The following TBC1D5 variants were observed in gnomAD, a reference collection of about 807,000 sequenced individuals.
TBC1D5 encodes the protein TBC1 domain family, member 5.
TBC1D5 carries 75 observed loss-of-function variants against 100.3 expected under a neutral mutation model. The observed-to-expected ratio is 0.75, with a 90% confidence interval of 0.62 to 0.91. TBC1D5 has a LOEUF of 0.91. TBC1D5 is among the 40% of genes least tolerant of loss of function. The probability of loss-of-function intolerance (pLI) is 0.00; values close to 1 mark genes in which losing one functional copy is unlikely to be tolerated. For missense variants in TBC1D5, 910 were observed against 942.4 expected, an observed-to-expected ratio of 0.97 and a Z score of 0.45; for synonymous variants, 323 against 325.6, an observed-to-expected ratio of 0.99 and a Z score of 0.09.
intron 5 of TBC1D5, among the ~76,000 whole-genome samples, chr3:17,406,020 C>T (rs1190532699): frequency 2.0e-5 from 3 of 151,858 alleles, no homozygotes; most frequent in Non-Finnish European, 4.4e-5. Flanking sequence ...TTCCAGCTGC[C>T]ATTTATGAAG....
intron 8 of TBC1D5, among the ~76,000 whole-genome samples, chr3:17,401,472 A>T (rs952542767): frequency 6.6e-6 from 1 of 152,030 alleles, no homozygotes; most frequent in African/African-American, 2.4e-5. Flanking sequence ...TCAAGAACTA[A>T]CACTTTCTTA....
At chr3:17,494,841 ACCCAAG>A (rs1174224914) in intron 3 of TBC1D5, among the ~76,000 whole-genome samples, 1 of 152,100 alleles carries the variant, frequency 6.6e-6, no homozygotes, top group Non-Finnish European at 1.5e-5. Flanking sequence ...GCTGGCTGCA[ACCCAAG>A]CAGCCACCAA....
At chr3:17,528,819 A>G (rs2096176651) in intron 2 of TBC1D5, among the ~76,000 whole-genome samples, 1 of 152,254 alleles carries the variant, frequency 6.6e-6, no homozygotes, top group Non-Finnish European at 1.5e-5. Flanking sequence ...CAAATATTTG[A>G]AAATACATTA....
At chr3:17,218,032 C>G (rs775916610) in intron 17 of TBC1D5, among the ~76,000 whole-genome samples, 2 of 151,974 alleles carry the variant, frequency 1.3e-5, no homozygotes, top group Non-Finnish European at 2.9e-5. Flanking sequence ...TTTTTGTATA[C>G]AGCGTGAAGA....
At chr3:17,207,557 G>C (rs760382788) in intron 18 of TBC1D5, among the ~76,000 whole-genome samples, 2 of 152,158 alleles carry the variant, frequency 1.3e-5, no homozygotes, top group Admixed American at 6.5e-5. Context: ...TAAAGACTAA[G>C]CTGAATCTTG....
chr3:17,477,255 G>A (rs1339213246), intron 3 of TBC1D5, among the ~76,000 whole-genome samples: 1 of 151,870 alleles, frequency 6.6e-6, no homozygotes, highest in East Asian at 1.9e-4. Flanking sequence ...GGTAAAATAT[G>A]TTTATCTTTT....
chr3:17,420,754 C>G (rs1334776225), intron 4 of TBC1D5, among the ~76,000 whole-genome samples: 1 of 152,182 alleles, frequency 6.6e-6, no homozygotes, highest in Non-Finnish European at 1.5e-5. Context: ...GGCATTTCAA[C>G]TGGGAACACC....
chr3:17,537,519 G>A (rs2096294360), intron 2 of TBC1D5, among the ~76,000 whole-genome samples: 1 of 151,992 alleles, frequency 6.6e-6, no homozygotes, highest in African/African-American at 2.4e-5. Flanking sequence ...GGGGGCTCAG[G>A]ATTTTATTTT....
intron 15 of TBC1D5, 81 bp from the exon 16 acceptor site, chr3:17,258,672 A>G (rs1575000878): frequency 1.9e-6 from 2 of 1,070,096 alleles, no homozygotes; most frequent in East Asian, 5.0e-5. Context: ...GATCATTTTA[A>G]TATCCCTTCA....
intron 3 of TBC1D5, among the ~76,000 whole-genome samples, chr3:17,484,824 T>C (rs771522214): frequency 6.6e-6 from 1 of 151,994 alleles, no homozygotes; most frequent in Non-Finnish European, 1.5e-5. Context: ...TTCCTTTCCT[T>C]AAGATGAATT....
chr3:17,188,013 A>C (rs2069360980), intron 18 of TBC1D5, among the ~76,000 whole-genome samples: 1 of 152,252 alleles, frequency 6.6e-6, no homozygotes, highest in African/African-American at 2.4e-5. Context: ...AAAGGAACTC[A>C]AACTGGGTAG....
At chr3:17,618,614 G>A (rs992228636) in intron 2 of TBC1D5, among the ~76,000 whole-genome samples, 11 of 152,196 alleles carry the variant, frequency 7.2e-5, no homozygotes, top group Non-Finnish European at 1.3e-4. Flanking sequence ...AATGGGGGAC[G>A]CCCCTCCCCC....
chr3:17,309,037 T>G (rs2083702904), intron 13 of TBC1D5, among the ~76,000 whole-genome samples: 1 of 152,068 alleles, frequency 6.6e-6, no homozygotes, highest in South Asian at 2.1e-4. Context: ...TCAGCTAGAA[T>G]TCTATGTGAT....
chr3:17,679,212 CA>C lies in TBC1D5; in HGVS notation c.-100-55300del, dbSNP rs1028083104. Among the ~76,000 whole-genome samples, 15 of 151,162 alleles carry C rather than the reference CA, an allele frequency of 9.9e-5. No individual in the cohort carries two copies. The East Asian group carries it at 2.7e-3, about 27-fold the overall frequency. ...CAGAATTCCTGCCACACTGTCAAGGCATACATACATGAAGTTTGTATAATGC... is the reference window on the plus strand; with the variant it reads ...CAGAATTCCTGCCACACTGTCAAGGCTACATACATGAAGTTTGTATAATGC... On this transcript the variant is annotated intron_variant, in intron 1 of 21. Coordinates refer to ENST00000253692, the Ensembl canonical transcript of TBC1D5.
chr3:17,252,081 C>T (rs1284365418), intron 16 of TBC1D5, among the ~76,000 whole-genome samples: 1 of 152,082 alleles, frequency 6.6e-6, no homozygotes, highest in African/African-American at 2.4e-5. Context: ...GAAAATGACA[C>T]AATTTTTCAA....
chr3:17,676,249 T>C (rs2068616329), intron 1 of TBC1D5, among the ~76,000 whole-genome samples: 1 of 152,190 alleles, frequency 6.6e-6, no homozygotes, highest in Non-Finnish European at 1.5e-5. Context: ...ATTATCTACC[T>C]CATTTCTGCA....
intron 13 of TBC1D5, among the ~76,000 whole-genome samples, chr3:17,333,611 T>C (rs2087205052): frequency 6.6e-6 from 1 of 152,122 alleles, no homozygotes; most frequent in Non-Finnish European, 1.5e-5. Flanking sequence ...AGGGTCAGTC[T>C]TGGAAGGGAG....
chr3:17,656,923 G>A (rs539539951), intron 1 of TBC1D5, among the ~76,000 whole-genome samples: 6 of 152,166 alleles, frequency 3.9e-5, no homozygotes, highest in Admixed American at 1.3e-4. Context: ...GTCAAGGAGC[G>A]ACAGGATGGC....
chr3:17,243,047 T>C (rs1372202358), intron 16 of TBC1D5, among the ~76,000 whole-genome samples: 1 of 152,124 alleles, frequency 6.6e-6, no homozygotes, highest in East Asian at 1.9e-4. Flanking sequence ...CCAAGCATAC[T>C]GTTCAATATT....
Sources: gnomAD v4.1 joint callset for allele counts (sites outside exome capture counted in the v4.1 genomes callset) on GRCh38, gnomAD v4.1.1 for gene constraint, MANE v1.5 for transcripts, NCBI Gene and HGNC (gene_info 2026-07-23, HGNC 2026-07-21) for gene names.